WWOX: variants seen among roughly 807,000 people sequenced by gnomAD.
WWOX encodes WW domain containing oxidoreductase.
WWOX carries 69 observed loss-of-function variants against 46.2 expected under a neutral mutation model. The ratio of observed to expected loss-of-function variants is 1.49; its 90% CI spans 1.23 to 1.82. WWOX has a LOEUF of 1.82. Among genes scored for constraint, WWOX ranks in the 40% most tolerant of loss-of-function variants. WWOX has a pLI of 0.00. For missense variants in WWOX, 919 were observed against 542.6 expected (o/e 1.69, Z -6.89); for synonymous variants, 359 against 202.6 (o/e 1.77, Z -6.56).
chr16:78,366,706 A>T (rs2081543132), intron 5 of WWOX, among the ~76,000 whole-genome samples: 1 of 152,276 alleles, frequency 6.6e-6, no homozygotes, highest in East Asian at 1.9e-4. Flanking sequence ...ATACTTGAAA[A>T]ATCTAAAATG....
intron 8 of WWOX, among the ~76,000 whole-genome samples, chr16:78,802,124 TAGATC>T (rs1425590996): frequency 2.6e-5 from 4 of 152,074 alleles, no homozygotes; most frequent in Non-Finnish European, 4.4e-5. Flanking sequence ...ATCTCACTCT[TAGATC>T]AGACGTGCTT....
chr16:78,191,253 C>T (rs1333177394), intron 5 of WWOX, among the ~76,000 whole-genome samples: 5 of 152,144 alleles, frequency 3.3e-5, no homozygotes, highest in Non-Finnish European at 5.9e-5. Context: ...ACAGCTCCTC[C>T]ACCTGGGCAC....
intron 8 of WWOX, among the ~76,000 whole-genome samples, chr16:79,036,855 G>A (rs2047876769): frequency 6.6e-6 from 1 of 152,200 alleles, no homozygotes; most frequent in African/African-American, 2.4e-5. Context: ...TTAGACACAT[G>A]AAGAGAGGAT....
intron 5 of WWOX, 55 bp downstream of exon 5, chr16:78,164,344 A>C (rs2034902609): frequency 6.7e-7 from 1 of 1,494,616 alleles, no homozygotes. Context: ...ATGCCGGGCT[A>C]ACCATATGGA....
chr16:78,952,825 A>G (rs2046089153), intron 8 of WWOX, among the ~76,000 whole-genome samples: 1 of 152,186 alleles, frequency 6.6e-6, no homozygotes. Context: ...TGAATGAGTA[A>G]GTGAATGAGT....
intron 8 of WWOX, among the ~76,000 whole-genome samples, chr16:79,019,157 CAAAAAAAAAAAAAA>C (rs903333994): frequency 0.034 from 842 of 24,574 alleles, 22 homozygotes; most frequent in Non-Finnish European, 0.046. Context: ...GACCTTGTCT[CAAAAAAAAAAAAAA>C]AAAAAAAAAA....
At chr16:79,149,415 T>G (rs1453174337) in intron 8 of WWOX, among the ~76,000 whole-genome samples, 3 of 152,214 alleles carry the variant, frequency 2.0e-5, no homozygotes, top group Non-Finnish European at 1.5e-5. Flanking sequence ...TTTTATACAT[T>G]GTTGGATACA....
At chr16:78,142,634 A>G (rs574716899) in intron 4 of WWOX, among the ~76,000 whole-genome samples, 22 of 152,238 alleles carry the variant, frequency 1.4e-4, no homozygotes, top group Non-Finnish European at 2.5e-4. Flanking sequence ...ATAACTTTAA[A>G]TAAATAAATC....
chr16:78,418,595 G>T (rs2082852552), intron 6 of WWOX, among the ~76,000 whole-genome samples: 1 of 152,016 alleles, frequency 6.6e-6, no homozygotes, highest in African/African-American at 2.4e-5. Flanking sequence ...CATATACAAA[G>T]AATTGTATAT....
chr16:78,446,638 G>A (rs549595866), intron 8 of WWOX, among the ~76,000 whole-genome samples: 1 of 146,006 alleles, frequency 6.8e-6, no homozygotes, highest in Non-Finnish European at 1.5e-5. Context: ...TGAACATCGA[G>A]TATAGTACCA....
chr16:78,922,993 T>TTTTTTTTG (rs1567651708), intron 8 of WWOX, among the ~76,000 whole-genome samples: 23 of 151,480 alleles, frequency 1.5e-4, no homozygotes, highest in Admixed American at 1.1e-3. Context: ...TCTTTTTTTT[T>TTTTTTTTG]TTTTTGAGAC....
At chr16:78,740,839 T>C (rs2049204584) in intron 8 of WWOX, among the ~76,000 whole-genome samples, 1 of 152,162 alleles carries the variant, frequency 6.6e-6, no homozygotes, top group African/African-American at 2.4e-5. Flanking sequence ...GCTCCTCTTA[T>C]AACTCCTATG....
intron 8 of WWOX, among the ~76,000 whole-genome samples, chr16:78,693,448 G>A (rs1245437335): frequency 6.6e-6 from 1 of 152,050 alleles, no homozygotes; most frequent in Non-Finnish European, 1.5e-5. Flanking sequence ...TTTAGTCCCA[G>A]TTTTCCAGCT....
chr16:79,010,019 T>G (rs951275291), intron 8 of WWOX, among the ~76,000 whole-genome samples: 1 of 152,206 alleles, frequency 6.6e-6, no homozygotes, highest in African/African-American at 2.4e-5. Flanking sequence ...GGAAGAATAA[T>G]GGGTCTTGAG....
chr16:78,812,636 G>C (rs1014755454), intron 8 of WWOX, among the ~76,000 whole-genome samples: 2 of 151,950 alleles, frequency 1.3e-5, no homozygotes, highest in Non-Finnish European at 2.9e-5. Context: ...TGACGCGCGA[G>C]AATCACTTGA....
chr16:78,513,901 C>CT (rs56784508), intron 8 of WWOX, among the ~76,000 whole-genome samples: 3 of 134,544 alleles, frequency 2.2e-5, no homozygotes, highest in Admixed American at 1.4e-4. Context: ...CACTCCCCCC[C>CT]CCCCCACTTG....
At chr16:78,233,328 C>G (rs1428509585) in intron 5 of WWOX, among the ~76,000 whole-genome samples, 1 of 151,962 alleles carries the variant, frequency 6.6e-6, no homozygotes, top group African/African-American at 2.4e-5. Flanking sequence ...GGTAAAAACA[C>G]TTAACATGAG....
At chr16:78,597,066 G>C (rs756324135) in intron 8 of WWOX, among the ~76,000 whole-genome samples, 2 of 152,142 alleles carry the variant, frequency 1.3e-5, no homozygotes, top group African/African-American at 4.8e-5. Context: ...GCGTAGAAGC[G>C]CTGGAGCCAG....
intron 8 of WWOX, among the ~76,000 whole-genome samples, chr16:79,066,383 G>A (rs1040452264): frequency 2.2e-4 from 34 of 152,252 alleles, no homozygotes; most frequent in African/African-American, 8.2e-4. Context: ...CATCAGGGCT[G>A]GGAAGGAATC....
Sources: allele counts gnomAD v4.1 joint callset (sites outside exome capture counted in the v4.1 genomes callset), GRCh38; gene constraint gnomAD v4.1.1; transcripts MANE v1.5; gene names NCBI Gene and HGNC (gene_info 2026-07-23, HGNC 2026-07-21).